MED12L: variants seen among roughly 807,000 people sequenced by gnomAD.
The protein encoded by MED12L is mediator of RNA polymerase II transcription subunit 12-like protein.
A neutral mutation model predicts 281.3 loss-of-function variants in MED12L; 60 were observed. The ratio of observed to expected loss-of-function variants is 0.21; its 90% confidence interval spans 0.17 to 0.26. The LOEUF (loss-of-function observed/expected upper bound fraction) is 0.26, where lower values mean the gene tolerates loss of function less well. Ranked by LOEUF, MED12L falls within the 10% of genes least tolerant of loss-of-function variation. The pLI, the probability that MED12L is intolerant of heterozygous loss-of-function variation, is 1.00. For synonymous variants in MED12L, 974 were observed against 987.2 expected (o/e 0.99, Z 0.25); for missense variants, 2,146 against 2,680.9 (o/e 0.80, Z 4.41).
chr3:151,359,713 A>C (rs1354179107), intron 20 of MED12L, among the ~76,000 whole-genome samples: 1 of 152,110 alleles, frequency 6.6e-6, no homozygotes. Flanking sequence ...CGTCTTTAAT[A>C]ATCTGTCATC....
At chr3:151,277,304 A>G (rs371294464) in intron 16 of MED12L, among the ~76,000 whole-genome samples, 7 of 152,108 alleles carry the variant, frequency 4.6e-5, no homozygotes, top group African/African-American at 1.7e-4. Flanking sequence ...TTGTATATAT[A>G]GTATTCATAA....
intron 36 of MED12L, 38 bp from the exon 37 acceptor site, chr3:151,387,772 A>G: frequency 6.4e-7 from 1 of 1,561,028 alleles, no homozygotes; most frequent in South Asian, 1.2e-5. Context: ...TAAGGAAAAG[A>G]TCTGAGTGTG....
chr3:151,339,592 G>C (rs1324957781), intron 16 of MED12L, among the ~76,000 whole-genome samples: 1 of 151,680 alleles, frequency 6.6e-6, no homozygotes, highest in Non-Finnish European at 1.5e-5. Context: ...GTGTTTTGAA[G>C]TTGCTGCATA....
At chr3:151,300,741 C>T (rs1338065004) in intron 16 of MED12L, among the ~76,000 whole-genome samples, 1 of 152,188 alleles carries the variant, frequency 6.6e-6, no homozygotes, top group Admixed American at 6.5e-5. Flanking sequence ...CTCATTCTGT[C>T]CAATCACAAA....
chr3:151,421,236 A>T (rs1718210922), intron 43 of MED12L, among the ~76,000 whole-genome samples: 1 of 152,162 alleles, frequency 6.6e-6, no homozygotes, highest in African/African-American at 2.4e-5. Context: ...CCACTTGATT[A>T]TTAAAATCTT....
Position 151,159,739 on chromosome 3 carries a change from T to G in MED12L, c.838-93T>G, listed in dbSNP as rs575691905. 8 of 1,261,518 alleles carry G rather than the reference T, an allele frequency of 6.3e-6. No individual in the cohort carries two copies. The African/African-American group carries it at 1.2e-4, about 19-fold the overall frequency. The allele number at this position is 1,261,518 out of a possible 1,614,324, so 78.1% of individuals were successfully genotyped here. A position where few individuals can be genotyped will look rare whatever the true frequency, so the allele number is the denominator to read the frequency against. ...GCTTTATACCTTTGAAGTTTTTTTA[T>G]CTTTTTTAAATGAAAAAAAGTCTGT... On this transcript the variant is annotated intron_variant, in intron 7 of 44. Coordinates refer to ENST00000687756, the MANE Select transcript of MED12L (RefSeq NM_001393769.1).
In MED12L at chr3:151,340,402, T is replaced by C. The variant is rs1419376246; in HGVS notation, c.2251-9657T>C. 2.0e-5 allele frequency among the ~76,000 whole-genome samples: 3 copies of C among 152,182 alleles called. No individual in the cohort carries two copies. In the East Asian group the frequency reaches 5.8e-4, roughly 29 times the overall value. ...CTATGCTTTGTATAATTTTTCTTAA[T>C]AAAGAGGCTAATTAACAATTGTCTC... On this transcript the variant is annotated intron_variant, in intron 16 of 44. Coordinates refer to ENST00000687756, the MANE Select transcript of MED12L (RefSeq NM_001393769.1).
chr3:151,107,926 G>C (rs192312101), intron 2 of MED12L, among the ~76,000 whole-genome samples: 89 of 152,234 alleles, frequency 5.8e-4, no homozygotes, highest in Admixed American at 5.2e-3. Flanking sequence ...CTGGAATGCT[G>C]GGCTTGATTG....
chr3:151,170,450 A>AT (rs1721290505), intron 11 of MED12L, among the ~76,000 whole-genome samples: 1 of 151,086 alleles, frequency 6.6e-6, no homozygotes, highest in Admixed American at 6.6e-5. Flanking sequence ...TAATTTTTCT[A>AT]TTTTTAGTAG....
At chr3:151,313,272 A>G (rs1273270583) in intron 16 of MED12L, among the ~76,000 whole-genome samples, 1 of 152,120 alleles carries the variant, frequency 6.6e-6, no homozygotes, top group Non-Finnish European at 1.5e-5. Context: ...AATAGCTCCA[A>G]CTTGATTGCA....
chr3:151,169,119 T>G lies in MED12L; in HGVS notation c.1494+3137T>G, dbSNP rs200013547. On this transcript the variant is annotated intron_variant, in intron 11 of 44. Transcript: ENST00000687756. The stretch of plus-strand genomic sequence containing the variant: ...TTCTTTTTCTTTGTTTTTTTTTTTT[T>G]TTGTTTTTTTTTTTTTGAGACGGAG... Among the ~76,000 whole-genome samples the G allele has an allele frequency of 8.0e-3, 1,129 of 141,868 alleles. 14 individuals are homozygous for G. The highest frequency in any genetic ancestry group is 0.027 in the African/African-American group (1,028 of 38,370). 93.1% of individuals were successfully genotyped at this position (141,868 alleles called of 152,430 possible). A position where few individuals can be genotyped will look rare whatever the true frequency, so the allele number is the denominator to read the frequency against.
chr3:151,315,676 A>G (rs963316661), intron 16 of MED12L, among the ~76,000 whole-genome samples: 2 of 152,198 alleles, frequency 1.3e-5, no homozygotes, highest in African/African-American at 4.8e-5. Flanking sequence ...AATAATAAAT[A>G]TCAACAGGGT....
intron 39 of MED12L, among the ~76,000 whole-genome samples, chr3:151,408,939 A>G (rs1198811521): frequency 6.6e-6 from 1 of 152,210 alleles, no homozygotes; most frequent in Non-Finnish European, 1.5e-5. Flanking sequence ...TGGGACATTT[A>G]TACCCTGGCA....
intron 5 of MED12L, among the ~76,000 whole-genome samples, chr3:151,147,888 G>GT (rs1480582611): frequency 1.3e-5 from 2 of 152,212 alleles, no homozygotes; most frequent in African/African-American, 4.8e-5. Context: ...TCCTGGGTAT[G>GT]TATAACTTAC....
intron 16 of MED12L, among the ~76,000 whole-genome samples, chr3:151,346,689 C>T (rs1375782651): frequency 6.6e-6 from 1 of 152,090 alleles, no homozygotes; most frequent in East Asian, 1.9e-4. Flanking sequence ...CATTTGCTGG[C>T]TTATTTCTCC....
chr3:151,179,008 T>A (rs559464631), intron 11 of MED12L, among the ~76,000 whole-genome samples: 49 of 152,358 alleles, frequency 3.2e-4, no homozygotes, highest in Admixed American at 9.2e-4. Context: ...AGTCCATGAC[T>A]AGAATAAGCA....
At chr3:151,141,579 G>A (rs748058980) in intron 5 of MED12L, among the ~76,000 whole-genome samples, 3 of 152,058 alleles carry the variant, frequency 2.0e-5, no homozygotes, top group Admixed American at 2.0e-4. Flanking sequence ...ATAATGGATC[G>A]ACTGGAAAAA....
At chr3:151,159,000 T>G (rs936958725) in intron 7 of MED12L, among the ~76,000 whole-genome samples, 1 of 152,216 alleles carries the variant, frequency 6.6e-6, no homozygotes, top group African/African-American at 2.4e-5. Flanking sequence ...ATGTTGGTAG[T>G]TTTTATCCAT....
Position 151,434,077 on chromosome 3 carries a change from A to AT in MED12L, c.*1275dup, listed in dbSNP as rs1490698221. The AT allele has an allele frequency of 1.3e-5, 2 of 152,502 alleles. No individual in the cohort carries two copies. The highest frequency in any genetic ancestry group is 2.9e-5 in the Non-Finnish European group (2 of 68,028). The allele number at this position is 152,502 out of a possible 1,614,324, so 9.4% of individuals were successfully genotyped here. A position where few individuals can be genotyped will look rare whatever the true frequency, so the allele number is the denominator to read the frequency against. On this transcript the variant is annotated 3_prime_UTR_variant, in exon 45 of 45. Coordinates refer to ENST00000687756, the MANE Select transcript of MED12L (RefSeq NM_001393769.1). ...GATGCATAAAATTTTGAATGTGAAA[A>AT]TTGCAGGGCATTTTAAAACATATGT...
Sources: gnomAD v4.1 joint callset for allele counts (sites outside exome capture counted in the v4.1 genomes callset) on GRCh38, gnomAD v4.1.1 for gene constraint, MANE v1.5 for transcripts, NCBI Gene and HGNC (gene_info 2026-07-23, HGNC 2026-07-21) for gene names.